Variants in PTPRD observed in about 807,000 individuals in gnomAD.
PTPRD encodes the protein receptor-type tyrosine-protein phosphatase delta.
Under a neutral mutation model 214.5 loss-of-function variants are expected in PTPRD, and 34 were observed. That is an observed-to-expected ratio of 0.16 (90% CI 0.12 to 0.21). The LOEUF is 0.21. PTPRD is among the 10% of genes least tolerant of loss of function. The pLI, the probability that PTPRD is intolerant of heterozygous loss-of-function variation, is 1.00. For synonymous variants in PTPRD, 1,128 were observed against 845.7 expected (o/e 1.33, Z -5.79); for missense variants, 2,545 against 2,398.7 (o/e 1.06, Z -1.27).
chr9:8,677,608 G>A (rs1236051451), intron 12 of PTPRD, among the ~76,000 whole-genome samples: 5 of 152,110 alleles, frequency 3.3e-5, no homozygotes, highest in Non-Finnish European at 7.3e-5. Context: ...CCAAACTCCC[G>A]TGGCACACAA....
Position 8,897,319 on chromosome 9 carries a change from GT to G in PTPRD, c.-104+121377del, listed in dbSNP as rs913057884. ...GCATAAGAGAAGTTTACAAAGAGAT[GT>G]TTTTTTTTCGTAGCATGGTCAGAAG... On this transcript the variant is annotated intron_variant, in intron 11 of 45. Coordinates refer to ENST00000381196, the MANE Select transcript of PTPRD (RefSeq NM_002839.4). Among the ~76,000 whole-genome samples, 456 of 151,116 alleles carry G rather than the reference GT, an allele frequency of 3.0e-3. 4 individuals carry two copies. The highest frequency in any genetic ancestry group is 0.01 in the African/African-American group (426 of 41,172).
Position 9,564,505 on chromosome 9 carries a change from G to T in PTPRD, c.-237+10227C>A, listed in dbSNP as rs187361959. On this transcript the variant is annotated intron_variant, in intron 8 of 45. Coordinates refer to ENST00000381196, the MANE Select transcript of PTPRD (RefSeq NM_002839.4). ...CTAAATTCGAATTTCTTAGGCTGAG[G>T]TTCGTGAATTCACACTTTTATCAGA... Among the ~76,000 whole-genome samples, 121 of 152,050 alleles carry T rather than the reference G, an allele frequency of 8.0e-4. 1 individual carries two copies. The East Asian group carries it at 0.015, about 19-fold the overall frequency.
intron 8 of PTPRD, among the ~76,000 whole-genome samples, chr9:9,525,976 C>T (rs2074034971): frequency 1.3e-5 from 2 of 152,110 alleles, no homozygotes; most frequent in Admixed American, 1.3e-4. Context: ...TGTTTCTCTT[C>T]ACCCTGTGAG....
intron 8 of PTPRD, among the ~76,000 whole-genome samples, chr9:9,447,786 T>C (rs116938470): frequency 5.9e-5 from 9 of 152,118 alleles, no homozygotes; most frequent in African/African-American, 9.6e-5. Context: ...AGGCAGAATA[T>C]GGAAGAACGC....
At chr9:10,038,651 C>G (rs530537986) in intron 3 of PTPRD, among the ~76,000 whole-genome samples, 1 of 152,060 alleles carries the variant, frequency 6.6e-6, no homozygotes, top group South Asian at 2.1e-4. Context: ...GAGTTGGGAC[C>G]TGAACAGACT....
chr9:8,645,255 A>G (rs1014856177), intron 12 of PTPRD, among the ~76,000 whole-genome samples: 6 of 152,216 alleles, frequency 3.9e-5, no homozygotes, highest in African/African-American at 1.2e-4. Context: ...CCAGGATCCA[A>G]TTGAAATCAG....
At chr9:8,720,995 A>T (rs149116228) in intron 12 of PTPRD, among the ~76,000 whole-genome samples, 3 of 146,576 alleles carry the variant, frequency 2.0e-5, no homozygotes, top group Admixed American at 6.8e-5. Flanking sequence ...CCCATCACCT[A>T]TTCACCTTTT....
chr9:8,458,045 C>T (rs1346751627), intron 33 of PTPRD, among the ~76,000 whole-genome samples: 1 of 152,100 alleles, frequency 6.6e-6, no homozygotes, highest in African/African-American at 2.4e-5. Context: ...GCAAGCATTT[C>T]TATTTCAGAA....
chr9:9,598,605 A>G (rs1402650412), intron 7 of PTPRD, among the ~76,000 whole-genome samples: 2 of 152,112 alleles, frequency 1.3e-5, no homozygotes, highest in African/African-American at 4.8e-5. Context: ...TATTTTATAG[A>G]CCTTTTAAAA....
intron 39 of PTPRD, among the ~76,000 whole-genome samples, chr9:8,359,173 G>A (rs111464248): frequency 1.5e-3 from 220 of 148,186 alleles, no homozygotes; most frequent in African/African-American, 4.6e-3. Flanking sequence ...AGATTCGGCA[G>A]GGATCTTAGA....
At chr9:9,533,350 C>T (rs1488848935) in intron 8 of PTPRD, among the ~76,000 whole-genome samples, 9 of 151,922 alleles carry the variant, frequency 5.9e-5, no homozygotes, top group East Asian at 3.9e-4. Flanking sequence ...AACAATATGC[C>T]GGCCAAAATG....
At chr9:8,476,633 C>G (rs1048522063) in intron 30 of PTPRD, among the ~76,000 whole-genome samples, 4 of 152,034 alleles carry the variant, frequency 2.6e-5, no homozygotes, top group Non-Finnish European at 5.9e-5. Context: ...TCTCTATGAA[C>G]CATTTTTAAT....
At chr9:9,073,493 A>G (rs1349941470) in intron 10 of PTPRD, among the ~76,000 whole-genome samples, 1 of 152,324 alleles carries the variant, frequency 6.6e-6, no homozygotes, top group East Asian at 1.9e-4. Context: ...ATTAACATTT[A>G]CCACCAGTTA....
intron 8 of PTPRD, among the ~76,000 whole-genome samples, chr9:9,526,892 T>A (rs189817356): frequency 6.6e-6 from 1 of 152,218 alleles, no homozygotes; most frequent in Non-Finnish European, 1.5e-5. Context: ...GTTCATTTTA[T>A]TTTTATTATA....
At chr9:9,988,590 G>A (rs1055784526) in intron 4 of PTPRD, among the ~76,000 whole-genome samples, 1 of 152,092 alleles carries the variant, frequency 6.6e-6, no homozygotes, top group Non-Finnish European at 1.5e-5. Flanking sequence ...TATCATTAGT[G>A]CTGAATTTTA....
At position 9,083,988 on chromosome 9, in the gene PTPRD, A is replaced by G. The variant is rs528523088; in HGVS notation, c.-142-65253T>C. ...AATTAGTTCAACCATTGTGGAAGAC[A>G]GTGTGGTGATTCCTCGAGGACCTAG... On this transcript the variant is annotated intron_variant, in intron 10 of 45. Coordinates refer to ENST00000381196, the MANE Select transcript of PTPRD (RefSeq NM_002839.4). 2.9e-4 allele frequency among the ~76,000 whole-genome samples: 44 copies of G among 152,326 alleles called. No individual in the cohort carries two copies. The South Asian group carries it at 8.9e-3, about 31-fold the overall frequency.
intron 2 of PTPRD, among the ~76,000 whole-genome samples, chr9:10,399,468 G>C (rs564190442): frequency 6.6e-6 from 1 of 152,064 alleles, no homozygotes; most frequent in African/African-American, 2.4e-5. Flanking sequence ...CAAACACTGA[G>C]TTCCTAAAAT....
intron 8 of PTPRD, among the ~76,000 whole-genome samples, chr9:9,562,422 T>C (rs1007953394): frequency 6.6e-6 from 1 of 152,210 alleles, no homozygotes; most frequent in African/African-American, 2.4e-5. Context: ...CTATTTGCCA[T>C]TGTCAACAGA....
chr9:10,606,773 C>G (rs998387901), intron 2 of PTPRD, among the ~76,000 whole-genome samples: 1 of 151,778 alleles, frequency 6.6e-6, no homozygotes, highest in Non-Finnish European at 1.5e-5. Flanking sequence ...TGGCTTTGTT[C>G]TCTGTTCGTG....
Sources: gnomAD v4.1 joint callset for allele counts (sites outside exome capture counted in the v4.1 genomes callset) on GRCh38, gnomAD v4.1.1 for gene constraint, MANE v1.5 for transcripts, NCBI Gene and HGNC (gene_info 2026-07-23, HGNC 2026-07-21) for gene names.